Variants in DDX46 observed in about 807,000 individuals in gnomAD.
DDX46 encodes the protein probable ATP-dependent RNA helicase DDX46.
Under a neutral mutation model 134.9 loss-of-function variants are expected in DDX46, and 30 were observed. That is an observed-to-expected ratio of 0.22 (90% CI 0.17 to 0.30). DDX46 has a LOEUF of 0.30. Among genes scored for constraint, DDX46 ranks in the 10% least tolerant of loss-of-function variants. The pLI is 1.00. For missense variants in DDX46, 622 were observed against 1,248.7 expected (o/e 0.50, Z 7.56); for synonymous variants, 415 against 404.1 (o/e 1.03, Z -0.32).
In DDX46 at chr5:134,828,856, A is replaced by G. The variant is rs1755660642; in HGVS notation, c.*150A>G. ...TAAGAAACTGGTACTTGGTAAAGAA[A>G]TCTGTCCGTAAGTACCCCCACAATC... is the stretch of plus-strand genomic sequence containing the variant. On this transcript the variant is annotated 3_prime_UTR_variant, in exon 23 of 23. Coordinates refer to ENST00000452510, the MANE Select transcript of DDX46 (RefSeq NM_001300860.2). The G allele has an allele frequency of 8.4e-6, 4 of 473,440 alleles. No individual in the cohort carries two copies. Among genetic ancestry groups the G allele is most frequent in the Non-Finnish European group, 1.4e-5 (4 of 293,470 alleles). The allele number at this position is 473,440 out of a possible 1,614,324, so 29.3% of individuals were successfully genotyped here. A position where few individuals can be genotyped will look rare whatever the true frequency, so the allele number is the denominator to read the frequency against.
At chr5:134,759,633 A>G (rs907625183) in intron 1 of DDX46, among the ~76,000 whole-genome samples, 4 of 152,204 alleles carry the variant, frequency 2.6e-5, no homozygotes, top group African/African-American at 4.8e-5. Context: ...TATGTTAAAA[A>G]TGACTATTTG....
Position 134,828,980 on chromosome 5 carries a change from G to A in DDX46, c.*274G>A, listed in dbSNP as rs1755664175. ...TTAAATGTCCGGATAATATTCTAGA[G>A]GTTTAAAAAATGGAAATATTTGAAC... On this transcript the variant is annotated 3_prime_UTR_variant, in exon 23 of 23. Transcript: ENST00000452510. 1.6e-5 allele frequency: 4 copies of A among 256,024 alleles called. No homozygotes were observed. The highest frequency in any genetic ancestry group is 2.2e-5 in the Non-Finnish European group (3 of 136,514). 15.9% of individuals were successfully genotyped at this position (256,024 alleles called of 1,614,324 possible). A position where few individuals can be genotyped will look rare whatever the true frequency, so the allele number is the denominator to read the frequency against.
chr5:134,811,970 C>T, intron 18 of DDX46, 125 bp downstream of exon 18: 2 of 1,200,202 alleles, frequency 1.7e-6, no homozygotes, highest in Non-Finnish European at 2.2e-6. Context: ...GGTTCCAGAA[C>T]AGTTTTGGAA....
chr5:134,773,949 A>G, intron 5 of DDX46, 88 bp downstream of exon 5: 1 of 1,327,428 alleles, frequency 7.5e-7, no homozygotes, highest in Non-Finnish European at 1.0e-6. Context: ...AATCTTTTTT[A>G]TTGTTGAAAA....
chr5:134,762,457 G>GGT (rs1391383102), intron 1 of DDX46, among the ~76,000 whole-genome samples: 2 of 151,934 alleles, frequency 1.3e-5, no homozygotes, highest in Non-Finnish European at 2.9e-5. Flanking sequence ...GGCTGCATGC[G>GGT]GTGGCTCATG....
At chr5:134,780,313 C>G (rs887934135) in intron 6 of DDX46, among the ~76,000 whole-genome samples, 1 of 150,438 alleles carries the variant, frequency 6.6e-6, no homozygotes, top group African/African-American at 2.4e-5. Context: ...CCTGTCATCT[C>G]AGCACTTTTG....
chr5:134,796,673 C>T (rs921286365), intron 15 of DDX46, among the ~76,000 whole-genome samples: 2 of 148,032 alleles, frequency 1.4e-5, no homozygotes, highest in East Asian at 4.0e-4. Flanking sequence ...GCCAACATGG[C>T]GAAACTCCAT....
At chr5:134,788,711 T>TA (rs1478980217) in intron 12 of DDX46, 120 bp downstream of exon 12, 1 of 867,432 alleles carries the variant, frequency 1.2e-6, no homozygotes, top group Non-Finnish European at 1.8e-6. Flanking sequence ...TGCAGTATCT[T>TA]AAAATTTGTA....
chr5:134,783,923 G>A (rs1442024262), intron 9 of DDX46, among the ~76,000 whole-genome samples: 1 of 147,516 alleles, frequency 6.8e-6, no homozygotes, highest in Non-Finnish European at 1.5e-5. Context: ...GGCCCCAAAT[G>A]ATTCTCCCAT....
chr5:134,793,795 T>C lies in DDX46; in HGVS notation c.1627-1055T>C, dbSNP rs1754576091. On this transcript the variant is annotated intron_variant, in intron 13 of 22. Coordinates refer to ENST00000452510, the MANE Select transcript of DDX46 (RefSeq NM_001300860.2). ...GGTTTACTGTTTTTTATTACTGTTATTGTTTATTATTTTTATTTTTGATTG... is the reference window on the plus strand; with the variant it reads ...GGTTTACTGTTTTTTATTACTGTTACTGTTTATTATTTTTATTTTTGATTG... Among the ~76,000 whole-genome samples the C allele has an allele frequency of 1.3e-5, 2 of 152,174 alleles. 1 individual carries two copies. Among genetic ancestry groups the C allele is most frequent in the South Asian group, 4.1e-4 (2 of 4,832 alleles).
intron 16 of DDX46, 59 bp downstream of exon 16, chr5:134,808,000 G>A (rs770124830): frequency 6.8e-5 from 97 of 1,435,380 alleles, no homozygotes; most frequent in Non-Finnish European, 9.1e-5. Context: ...TGTTTCTTTA[G>A]TATTTCAAGG....
intron 5 of DDX46, among the ~76,000 whole-genome samples, chr5:134,775,273 G>C (rs1753899429): frequency 6.6e-6 from 1 of 152,212 alleles, no homozygotes; most frequent in East Asian, 1.9e-4. Context: ...TCATAATTTA[G>C]GATGGAAACA....
At chr5:134,780,093 A>G (rs1275519025) in intron 6 of DDX46, among the ~76,000 whole-genome samples, 1 of 125,520 alleles carries the variant, frequency 8.0e-6, no homozygotes, top group Non-Finnish European at 1.6e-5. Flanking sequence ...GTCTGAAAAA[A>G]ATATATGTGT....
intron 18 of DDX46, among the ~76,000 whole-genome samples, chr5:134,814,246 G>A (rs766791945): frequency 3.9e-5 from 6 of 151,966 alleles, no homozygotes; most frequent in Non-Finnish European, 7.4e-5. Context: ...AGTGTATGTC[G>A]GTGCGGTACT....
chr5:134,788,218 G>A (rs940594951), intron 11 of DDX46, among the ~76,000 whole-genome samples: 1 of 151,862 alleles, frequency 6.6e-6, no homozygotes, highest in South Asian at 2.1e-4. Context: ...TTGAACTCCT[G>A]GGCTCAAGAG....
chr5:134,780,096 A>ATGTGTGTG lies in DDX46; in HGVS notation c.766-1036_766-1035insGTGTGTGT, dbSNP rs1455322489. Among the ~76,000 whole-genome samples, 1,046 of 123,414 alleles carry ATGTGTGTG rather than the reference A, an allele frequency of 8.5e-3. 13 individuals carry two copies. Among genetic ancestry groups the ATGTGTGTG allele is most frequent in the African/African-American group, 0.032 (1,001 of 30,834 alleles). 81.0% of individuals were successfully genotyped at this position (123,414 alleles called of 152,430 possible). A position where few individuals can be genotyped will look rare whatever the true frequency, so the allele number is the denominator to read the frequency against. On this transcript the variant is annotated intron_variant, in intron 6 of 22. Coordinates refer to ENST00000452510, the MANE Select transcript of DDX46 (RefSeq NM_001300860.2). ...GAATAAGACTCAGTCTGAAAAAAAT[A>ATGTGTGTG]TATGTGTGTGTGTGTGTGTGTGTGT...
intron 1 of DDX46, 108 bp downstream of exon 1, chr5:134,759,063 C>A (rs1753294380): frequency 4.0e-6 from 6 of 1,513,680 alleles, no homozygotes; most frequent in Admixed American, 1.9e-5. Flanking sequence ...GCCCCACGTG[C>A]GGTCAGCGCT....
rs1326410969 is a variant in DDX46, at chr5:134,830,315, G to A, written c.*1609G>A. The A allele has an allele frequency of 6.6e-6, 1 of 152,046 alleles. No individual in the cohort carries two copies. The highest frequency in any genetic ancestry group is 2.4e-5 in the African/African-American group (1 of 41,404). The allele number at this position is 152,046 out of a possible 1,614,324, so 9.4% of individuals were successfully genotyped here. A position where few individuals can be genotyped will look rare whatever the true frequency, so the allele number is the denominator to read the frequency against. On this transcript the variant is annotated 3_prime_UTR_variant, in exon 23 of 23. Coordinates refer to ENST00000452510, the MANE Select transcript of DDX46 (RefSeq NM_001300860.2). ...ATACAGGCGGTTAAAGTATACAGGA[G>A]GATGTGCATCGGTTATATGCATATA...
At chr5:134,793,315 A>C (rs181446459) in intron 13 of DDX46, among the ~76,000 whole-genome samples, 37 of 152,374 alleles carry the variant, frequency 2.4e-4, no homozygotes, top group Non-Finnish European at 4.6e-4. Flanking sequence ...TATTGAATGC[A>C]AAGCTGCACA....
Sources: allele counts gnomAD v4.1 joint callset (sites outside exome capture counted in the v4.1 genomes callset), GRCh38; gene constraint gnomAD v4.1.1; transcripts MANE v1.5; gene names NCBI Gene and HGNC (gene_info 2026-07-23, HGNC 2026-07-21).